The following PCYT2 variants were observed in gnomAD, a reference collection of about 807,000 sequenced individuals.
The protein encoded by PCYT2 is phosphate cytidylyltransferase 2, ethanolamine.
PCYT2 carries 33 observed loss-of-function variants against 50.0 expected under a neutral mutation model. That is an observed-to-expected ratio of 0.66 (90% confidence interval 0.50 to 0.88). The LOEUF is 0.88. Ranked by LOEUF, PCYT2 falls within the 40% of genes least tolerant of loss-of-function variation. The pLI, the probability that PCYT2 is intolerant of heterozygous loss-of-function variation, is 0.00. For synonymous variants in PCYT2, 240 were observed against 203.7 expected (o/e 1.18, Z -1.52); for missense variants, 430 against 519.7 (o/e 0.83, Z 1.68).
At chr17:81,910,661 T>C (rs1318497407) in intron 1 of PCYT2, among the ~76,000 whole-genome samples, 1 of 152,218 alleles carries the variant, frequency 6.6e-6, no homozygotes, top group African/African-American at 2.4e-5. Context: ...GAAGGGCTAA[T>C]CAGATAGAGG....
chr17:81,904,900 A>G lies in PCYT2; in HGVS notation c.1103T>C (p.Leu368Pro). The G allele has an allele frequency of 6.2e-7, 1 of 1,613,162 alleles. No individual in the cohort carries two copies. Among genetic ancestry groups the G allele is most frequent in the Non-Finnish European group, 8.5e-7 (1 of 1,179,938 alleles). The part of the protein sequence containing the change: ...ARNQKKEAKE[L>P]AFLEAARQQA... ...CTGCCTGGCAGCCTCCAGGAAGGCC[A>G]GCTCCTTGGCTTCCTTCTTCTGGTT... The change falls in exon 13 of 13, where the codon CTG becomes CCG. Residue 368 changes from leucine (L) to proline (P), a missense_variant. Leu to Pro is a moderately conservative substitution (Grantham distance 98). Coordinates refer to ENST00000538936, the MANE Select transcript of PCYT2 (RefSeq NM_002861.5).
chr17:81,905,485 G>T (rs1411272204), intron 10 of PCYT2, 38 bp from the exon 11 acceptor site: 3 of 1,548,444 alleles, frequency 1.9e-6, no homozygotes, highest in Non-Finnish European at 2.6e-6. Context: ...TCCCCGGGGA[G>T]GCAGCGGCCG....
At chr17:81,906,712 C>T (rs1388530564) in intron 7 of PCYT2, 48 bp downstream of exon 7, 1 of 1,605,770 alleles carries the variant, frequency 6.2e-7, no homozygotes, top group South Asian at 1.1e-5. Flanking sequence ...CCCCCGGGTC[C>T]CACCCCATGT....
chr17:81,910,866 G>A, intron 1 of PCYT2: 1 of 986,894 alleles, frequency 1.0e-6, no homozygotes, highest in African/African-American at 1.7e-5. Context: ...GCTTCACCGC[G>A]GGTCCCGGAC....
At chr17:81,906,578 G>C in intron 7 of PCYT2, 32 bp from the exon 8 acceptor site, 1 of 1,602,668 alleles carries the variant, frequency 6.2e-7, no homozygotes, top group Non-Finnish European at 8.5e-7. Context: ...GTCGGGATGG[G>C]GATGACAGGG....
chr17:81,911,235 GC>G (rs1380505721), intron 1 of PCYT2, 31 bp downstream of exon 1: 6 of 1,030,614 alleles, frequency 5.8e-6, no homozygotes, highest in Non-Finnish European at 7.0e-6. Flanking sequence ...CGGCCCCGGC[GC>G]CCCCGCGGCC....
chr17:81,902,152 C>G lies in PCYT2; in HGVS notation c.*2681G>C, dbSNP rs546586775. 12 of 937,894 alleles carry G rather than the reference C, an allele frequency of 1.3e-5. No individual in the cohort carries two copies. In the South Asian group the frequency reaches 4.2e-4, roughly 33 times the overall value. 58.1% of individuals were successfully genotyped at this position (937,894 alleles called of 1,614,324 possible). ...TCCTCCGCGCGCGCCCGCTGCACCC[C>G]AGCCCGCCCGCCGCCCCTCCCGGCC... On this transcript the variant is annotated 3_prime_UTR_variant, in exon 13 of 13. Coordinates refer to ENST00000538936, the MANE Select transcript of PCYT2 (RefSeq NM_002861.5).
In PCYT2 at chr17:81,902,861, C is replaced by T; in HGVS notation, c.*1972G>A. On this transcript the variant is annotated 3_prime_UTR_variant, in exon 13 of 13. Coordinates refer to ENST00000538936, the MANE Select transcript of PCYT2 (RefSeq NM_002861.5). Reference sequence around the variant, plus strand: ...CCCAGGTCTCCCCTACTCCGCTCACCCCGCAGTTAATGGCAAACGAATAAA... The same window carrying T: ...CCCAGGTCTCCCCTACTCCGCTCACTCCGCAGTTAATGGCAAACGAATAAA... 2.2e-6 allele frequency: 2 copies of T among 927,826 alleles called. No individual in the cohort carries two copies. Among genetic ancestry groups the T allele is most frequent in the Non-Finnish European group, 3.1e-6 (2 of 647,018 alleles). The allele number at this position is 927,826 out of a possible 1,614,324, so 57.5% of individuals were successfully genotyped here.
chr17:81,904,827 G>A lies in PCYT2; in HGVS notation c.*6C>T, dbSNP rs1345513954. 2 of 1,590,848 alleles carry A rather than the reference G, an allele frequency of 1.3e-6. No homozygotes were observed. Among genetic ancestry groups the A allele is most frequent in the African/African-American group, 1.3e-5 (1 of 74,452 alleles). On this transcript the variant is annotated 3_prime_UTR_variant, in exon 13 of 13. Coordinates refer to ENST00000538936, the MANE Select transcript of PCYT2 (RefSeq NM_002861.5). ...AGGGGGAGGGCCGGCCAGGGCCTCT[G>A]CCAGGTTAGAAGTCACCATCGCGCT...
intron 12 of PCYT2, 31 bp from the exon 13 acceptor site, chr17:81,904,975 C>T (rs570234782): frequency 1.8e-5 from 29 of 1,594,324 alleles, no homozygotes; most frequent in Middle Eastern, 1.7e-4. Flanking sequence ...TAGCAGAGAG[C>T]GCCCATGAGG....
At chr17:81,907,208 G>A in intron 6 of PCYT2, 1 of 1,533,194 alleles carries the variant, frequency 6.5e-7, no homozygotes, top group Non-Finnish European at 8.7e-7. Flanking sequence ...GGTCACCTGG[G>A]AGCAGCCTTC....
chr17:81,902,272 G>T lies in PCYT2; in HGVS notation c.*2561C>A. 8.0e-7 allele frequency: 1 copy of T among 1,251,732 alleles called. No homozygotes were observed. The highest frequency in any genetic ancestry group is 3.2e-5 in the South Asian group (1 of 31,504). The allele number at this position is 1,251,732 out of a possible 1,614,324, so 77.5% of individuals were successfully genotyped here. A position where few individuals can be genotyped will look rare whatever the true frequency, so the allele number is the denominator to read the frequency against. ...CGCCGCCGCCCACCAGTCAGCCGGC[G>T]TCCCCATGGCCCGGTCCGCGACACT... On this transcript the variant is annotated 3_prime_UTR_variant, in exon 13 of 13. Coordinates refer to ENST00000538936, the MANE Select transcript of PCYT2 (RefSeq NM_002861.5).
Position 81,902,051 on chromosome 17 carries a change from C to G in PCYT2, c.*2782G>C, listed in dbSNP as rs1353412046. 3.4e-6 allele frequency: 1 copy of G among 296,186 alleles called. No homozygotes were observed. Among genetic ancestry groups the G allele is most frequent in the South Asian group, 1.6e-4 (1 of 6,288 alleles). 18.3% of individuals were successfully genotyped at this position (296,186 alleles called of 1,614,324 possible). A position where few individuals can be genotyped will look rare whatever the true frequency, so the allele number is the denominator to read the frequency against. ...AGCTTGAGGGGGCGTTGGGCTCCCACCAAGCGCCAGATCCTTGCGCGCCTC... is the reference window on the plus strand; with the variant it reads ...AGCTTGAGGGGGCGTTGGGCTCCCAGCAAGCGCCAGATCCTTGCGCGCCTC... On this transcript the variant is annotated 3_prime_UTR_variant, in exon 13 of 13. Transcript: ENST00000538936.
intron 1 of PCYT2, chr17:81,911,029 G>T: frequency 1.0e-6 from 1 of 998,322 alleles, no homozygotes; most frequent in African/African-American, 1.7e-5. Context: ...CACCGGAGAG[G>T]TCGGCGTGAC....
rs747418178 is a variant in PCYT2 at position 81,905,113 on chromosome 17, G to A, written c.1011C>T (p.Gly337=). The change falls in exon 12 of 13, where the codon GGC becomes GGT. Residue 337 remains glycine, a synonymous_variant. Coordinates refer to ENST00000538936, the MANE Select transcript of PCYT2 (RefSeq NM_002861.5). ...RRGIFRQIDS[G]SNLTTDLIVQ... The stretch of plus-strand genomic sequence containing the variant: ...CGATGAGGTCTGTGGTGAGGTTGCT[G>A]CCACTGTCAATCTGACGGAAGATGC... 34 of 1,613,282 alleles carry A rather than the reference G, an allele frequency of 2.1e-5. No individual in the cohort carries two copies. The Admixed American group carries it at 2.8e-4, about 13-fold the overall frequency.
chr17:81,905,860 G>A (rs1244255220), intron 9 of PCYT2, 125 bp from the exon 10 acceptor site: 8 of 1,025,004 alleles, frequency 7.8e-6, no homozygotes, highest in Non-Finnish European at 1.1e-5. Context: ...GGATGGGCTG[G>A]GCAGGCTGGG....
intron 9 of PCYT2, 163 bp from the exon 10 acceptor site, chr17:81,905,898 G>T: frequency 2.5e-6 from 2 of 794,228 alleles, no homozygotes; most frequent in Non-Finnish European, 2.1e-6. Flanking sequence ...CATGAGACAA[G>T]AAGGAACAGC....
In PCYT2 at chr17:81,902,412, C is replaced by A; in HGVS notation, c.*2421G>T. The A allele has an allele frequency of 7.4e-7, 1 of 1,347,848 alleles. No homozygotes were observed. The highest frequency in any genetic ancestry group is 1.9e-5 in the South Asian group (1 of 53,526). 83.5% of individuals were successfully genotyped at this position (1,347,848 alleles called of 1,614,324 possible). ...TGGGCCGCGCCGCGGGGCTGCTGTC[C>A]GGCCTCCGCAGGTCCCCGTACGCGC... is the stretch of plus-strand genomic sequence containing the variant. On this transcript the variant is annotated 3_prime_UTR_variant, in exon 13 of 13. Transcript: ENST00000538936.
intron 1 of PCYT2, chr17:81,910,759 T>C: frequency 2.4e-6 from 1 of 412,798 alleles, no homozygotes; most frequent in Non-Finnish European, 3.3e-6. Flanking sequence ...TTTCACTTGT[T>C]GACAACCCGA....
Sources: allele counts gnomAD v4.1 joint callset (sites outside exome capture counted in the v4.1 genomes callset), GRCh38; gene constraint gnomAD v4.1.1; transcripts MANE v1.5; gene names NCBI Gene and HGNC (gene_info 2026-07-23, HGNC 2026-07-21).